The following MIPOL1 variants were observed in gnomAD, a reference collection of about 807,000 sequenced individuals.
The protein encoded by MIPOL1 is mirror-image polydactyly 1.
Under a neutral mutation model 60.9 loss-of-function variants are expected in MIPOL1, and 57 were observed. That is an observed-to-expected ratio of 0.94 (90% CI 0.76 to 1.17). MIPOL1 has a LOEUF of 1.17. Ranked by LOEUF, MIPOL1 falls within the 50% of genes most tolerant of loss-of-function variation. The pLI is 0.00. For synonymous variants in MIPOL1, 179 were observed against 168.8 expected, an observed-to-expected ratio of 1.06 and a Z score of -0.47; for missense variants, 551 against 511.6, an observed-to-expected ratio of 1.08 and a Z score of -0.74.
At chr14:37,228,669 T>C (rs1970159128) in intron 1 of MIPOL1, among the ~76,000 whole-genome samples, 1 of 152,198 alleles carries the variant, frequency 6.6e-6, no homozygotes, top group Non-Finnish European at 1.5e-5. Flanking sequence ...GATACTATCT[T>C]TATCTTCTCT....
At chr14:37,258,165 T>C (rs1234958854) in intron 3 of MIPOL1, among the ~76,000 whole-genome samples, 1 of 152,178 alleles carries the variant, frequency 6.6e-6, no homozygotes, top group East Asian at 1.9e-4. Flanking sequence ...GTGATTCTTC[T>C]ATTTTGTTTT....
intron 7 of MIPOL1, among the ~76,000 whole-genome samples, chr14:37,287,230 A>AT (rs1222186160): frequency 2.0e-5 from 3 of 150,186 alleles, no homozygotes; most frequent in African/African-American, 7.3e-5. Context: ...TATATTTAAA[A>AT]ATATATATAT....
intron 10 of MIPOL1, among the ~76,000 whole-genome samples, chr14:37,399,384 T>C (rs1328263977): frequency 3.3e-5 from 5 of 152,176 alleles, no homozygotes; most frequent in Admixed American, 6.5e-5. Context: ...CCCAGGTTCT[T>C]TTCTGTACAG....
chr14:37,311,618 CT>C (rs2087331425), intron 9 of MIPOL1, among the ~76,000 whole-genome samples: 1 of 152,026 alleles, frequency 6.6e-6, no homozygotes, highest in Non-Finnish European at 1.5e-5. Context: ...TGAATGGAAT[CT>C]TTTTTTAACT....
Position 37,422,840 on chromosome 14 carries a change from AT to A in MIPOL1, c.937-13del. The A allele has an allele frequency of 6.5e-7, 1 of 1,543,838 alleles. No homozygotes were observed. Among genetic ancestry groups the A allele is most frequent in the Non-Finnish European group, 8.9e-7 (1 of 1,127,112 alleles). The stretch of plus-strand genomic sequence containing the variant: ...AAATGAATACTGAATTTCTTAAAAT[AT>A]TAATTACTTTTAGGCAAAGTTGTTA... On this transcript the variant is annotated splice_polypyrimidine_tract_variant and intron_variant, in intron 10 of 12. Coordinates refer to ENST00000684589, the MANE Select transcript of MIPOL1 (RefSeq NM_001388067.1).
chr14:37,521,449 A>G (rs527550237), intron 12 of MIPOL1, among the ~76,000 whole-genome samples: 9 of 152,260 alleles, frequency 5.9e-5, no homozygotes, highest in Admixed American at 2.6e-4. Flanking sequence ...CAATTTATAG[A>G]TCTCGTGAAG....
In MIPOL1 at chr14:37,500,126, A is replaced by G; in HGVS notation, c.1250A>G (p.Glu417Gly). 2.5e-6 allele frequency: 4 copies of G among 1,601,896 alleles called. No individual in the cohort carries two copies. The highest frequency in any genetic ancestry group is 1.7e-5 in the Admixed American group (1 of 57,640). The change falls in exon 12 of 13, where the codon GAA (glutamate) becomes GGA (glycine). Residue 417 changes from glutamate to glycine, a missense_variant. Coordinates refer to ENST00000684589, the MANE Select transcript of MIPOL1 (RefSeq NM_001388067.1). ...HAREASQVAN[E>G]KVQKLERLVD... ...AGAGAGGCCTCCCAAGTGGCCAATG[A>G]AAAAGTTCAAAAGTAAGTTAAATGA... is the stretch of plus-strand genomic sequence containing the variant.
intron 10 of MIPOL1, among the ~76,000 whole-genome samples, chr14:37,378,893 T>C (rs1424759085): frequency 6.6e-6 from 1 of 152,066 alleles, no homozygotes; most frequent in Non-Finnish European, 1.5e-5. Context: ...ACGGATCCTA[T>C]TTACTACTTA....
At chr14:37,201,615 C>T (rs983870770) in intron 1 of MIPOL1, among the ~76,000 whole-genome samples, 7 of 152,052 alleles carry the variant, frequency 4.6e-5, no homozygotes, top group Admixed American at 2.6e-4. Context: ...TGATATAGGA[C>T]GTAATAGCCA....
At chr14:37,532,984 A>G (rs750296783) in intron 12 of MIPOL1, among the ~76,000 whole-genome samples, 2 of 152,146 alleles carry the variant, frequency 1.3e-5, no homozygotes, top group African/African-American at 2.4e-5. Flanking sequence ...TTTGTACACT[A>G]TTTTGTGATA....
Position 37,550,713 on chromosome 14 carries a change from GGTTT to G in MIPOL1, c.*3747_*3750del, listed in dbSNP as rs1484628878. ...AATATGTCATCTCTAGAAAAGATGTGGTTTGTTTTGGCACTGTTTTAAAAACTCA... is the reference window on the plus strand; with the variant it reads ...AATATGTCATCTCTAGAAAAGATGTGGTTTTGGCACTGTTTTAAAAACTCA... On this transcript the variant is annotated 3_prime_UTR_variant, in exon 13 of 13. Coordinates refer to ENST00000684589, the MANE Select transcript of MIPOL1 (RefSeq NM_001388067.1). 1.3e-5 allele frequency: 2 copies of G among 152,332 alleles called. No homozygotes were observed. The highest frequency in any genetic ancestry group is 2.9e-5 in the Non-Finnish European group (2 of 67,934). 9.4% of individuals were successfully genotyped at this position (152,332 alleles called of 1,614,324 possible). A position where few individuals can be genotyped will look rare whatever the true frequency, so the allele number is the denominator to read the frequency against.
chr14:37,369,380 T>C, intron 9 of MIPOL1, 137 bp from the exon 10 acceptor site: 1 of 452,740 alleles, frequency 2.2e-6, no homozygotes, highest in Non-Finnish European at 3.8e-6. Context: ...AACATTACTT[T>C]TACTTACCAT....
chr14:37,320,110 A>G (rs959566468), intron 9 of MIPOL1, among the ~76,000 whole-genome samples: 1 of 152,174 alleles, frequency 6.6e-6, no homozygotes, highest in Non-Finnish European at 1.5e-5. Context: ...TGCATGAAGT[A>G]TTATAGAGAT....
chr14:37,493,572 G>C (rs1458057564), intron 11 of MIPOL1, among the ~76,000 whole-genome samples: 2 of 152,174 alleles, frequency 1.3e-5, no homozygotes, highest in Non-Finnish European at 2.9e-5. Context: ...AGGAGATAAT[G>C]TGCAGGCTTA....
chr14:37,304,955 T>G (rs2086659811), intron 7 of MIPOL1, among the ~76,000 whole-genome samples: 1 of 151,836 alleles, frequency 6.6e-6, no homozygotes, highest in Non-Finnish European at 1.5e-5. Context: ...TAATTTATAG[T>G]TCATCAGATA....
chr14:37,459,573 C>A (rs1255110004), intron 11 of MIPOL1, among the ~76,000 whole-genome samples: 1 of 152,102 alleles, frequency 6.6e-6, no homozygotes. Flanking sequence ...GATTCACAGA[C>A]AAATTTTAGT....
intron 1 of MIPOL1, among the ~76,000 whole-genome samples, chr14:37,224,935 T>C (rs1458168044): frequency 6.6e-6 from 1 of 152,130 alleles, no homozygotes; most frequent in Non-Finnish European, 1.5e-5. Flanking sequence ...ATACAGCTAT[T>C]CCAAAGGGGA....
chr14:37,330,822 C>T (rs1185512737), intron 9 of MIPOL1, among the ~76,000 whole-genome samples: 2 of 151,388 alleles, frequency 1.3e-5, no homozygotes, highest in African/African-American at 4.9e-5. Flanking sequence ...ATTAGGATGC[C>T]AGGAGGAGAG....
intron 7 of MIPOL1, among the ~76,000 whole-genome samples, chr14:37,292,834 G>T (rs1247408019): frequency 1.3e-5 from 2 of 151,924 alleles, no homozygotes; most frequent in Non-Finnish European, 2.9e-5. Flanking sequence ...GCCATTTCTT[G>T]GCAAGGCATT....
Sources: gnomAD v4.1 joint callset for allele counts (sites outside exome capture counted in the v4.1 genomes callset) on GRCh38, gnomAD v4.1.1 for gene constraint, MANE v1.5 for transcripts, NCBI Gene and HGNC (gene_info 2026-07-23, HGNC 2026-07-21) for gene names.